DIS3L: variants seen among roughly 807,000 people sequenced by gnomAD.
DIS3L encodes the protein DIS3-like exonuclease 1.
A neutral mutation model predicts 120.3 loss-of-function variants in DIS3L; 100 were observed. The observed-to-expected ratio is 0.83, with a 90% CI of 0.71 to 0.98. The LOEUF (loss-of-function observed/expected upper bound fraction) is 0.98, where lower values mean the gene tolerates loss of function less well. Among genes scored for constraint, DIS3L ranks in the 50% least tolerant of loss-of-function variants. DIS3L has a pLI of 0.00. For synonymous variants in DIS3L, 426 were observed against 470.6 expected (o/e 0.91, Z 1.23); for missense variants, 1,196 against 1,314.2 (o/e 0.91, Z 1.39).
At position 66,301,206 on chromosome 15, in the gene DIS3L, A is replaced by G. The variant is rs75981487; in HGVS notation, c.294-5618A>G. Among the ~76,000 whole-genome samples, 497 of 152,310 alleles carry G rather than the reference A, an allele frequency of 3.3e-3. 17 individuals carry two copies. In the East Asian group the frequency reaches 0.073, roughly 22 times the overall value. ...AGAAATTGCTTAAAACATTAAGATG[A>G]TGGAGTTTTAGAAAACATCCAAGCC... On this transcript the variant is annotated intron_variant, in intron 2 of 16. Coordinates refer to ENST00000319212, the MANE Select transcript of DIS3L (RefSeq NM_001143688.3).
Position 66,308,736 on chromosome 15 carries a change from C to T in DIS3L, c.450C>T (p.Tyr150=). Residue 150 remains tyrosine, a synonymous_variant, in exon 4 of 17, where the codon TAC becomes TAT. Coordinates refer to ENST00000319212, the MANE Select transcript of DIS3L (RefSeq NM_001143688.3). ...GCATATACAACGCAGCTGTTTGGTA[C>T]TATCATCACTGCCAGGACAGGATGC... ...TRSIYNAAVW[Y]YHHCQDRMPI... 1 of 1,612,914 alleles carries T rather than the reference C, an allele frequency of 6.2e-7. No individual in the cohort carries two copies. Among genetic ancestry groups the T allele is most frequent in the Non-Finnish European group, 8.5e-7 (1 of 1,179,278 alleles).
intron 1 of DIS3L, chr15:66,294,280 C>A: frequency 1.0e-6 from 1 of 985,430 alleles, no homozygotes; most frequent in Middle Eastern, 5.2e-4. Flanking sequence ...CGGAAGGTCA[C>A]GGGGAAGTTG....
At chr15:66,321,075 A>C (rs2092878339) in intron 9 of DIS3L, among the ~76,000 whole-genome samples, 1 of 152,184 alleles carries the variant, frequency 6.6e-6, no homozygotes, top group South Asian at 2.1e-4. Flanking sequence ...TCTCTGTCCA[A>C]ATCATTCAAC....
At chr15:66,311,205 A>G (rs1320712027) in intron 4 of DIS3L, among the ~76,000 whole-genome samples, 1 of 152,120 alleles carries the variant, frequency 6.6e-6, no homozygotes, top group Admixed American at 6.6e-5. Context: ...TCTACAAAAA[A>G]TAAAAAAATT....
chr15:66,294,056 TCCTCCCGCCGCAA>T, intron 1 of DIS3L: 1 of 986,322 alleles, frequency 1.0e-6, no homozygotes, highest in Non-Finnish European at 1.2e-6. Context: ...AGCCGAGGCC[TCCTCCCGCCGCAA>T]CCTCGCGCCG....
At chr15:66,300,106 C>T (rs1595714968) in intron 2 of DIS3L, among the ~76,000 whole-genome samples, 1 of 152,090 alleles carries the variant, frequency 6.6e-6, no homozygotes, top group South Asian at 2.1e-4. Flanking sequence ...TTCATGGCAG[C>T]TTTCTTCATC....
chr15:66,318,320 G>T, intron 7 of DIS3L, 129 bp from the exon 8 acceptor site: 8 of 979,760 alleles, frequency 8.2e-6, no homozygotes, highest in Non-Finnish European at 1.2e-5. Context: ...TTCTTGAGTT[G>T]GGTGGATGTG....
intron 4 of DIS3L, among the ~76,000 whole-genome samples, chr15:66,311,418 G>C (rs2092759973): frequency 6.6e-6 from 1 of 152,160 alleles, no homozygotes; most frequent in Non-Finnish European, 1.5e-5. Flanking sequence ...CATAAAGACA[G>C]GCTGCCTGGA....
intron 14 of DIS3L, chr15:66,329,920 A>G (rs1418110921): frequency 1.3e-5 from 13 of 985,036 alleles, no homozygotes; most frequent in Admixed American, 6.2e-5. Context: ...CTCAAAAAAA[A>G]AAAAAGATAT....
chr15:66,305,750 G>C (rs371403238), intron 2 of DIS3L, among the ~76,000 whole-genome samples: 7 of 152,014 alleles, frequency 4.6e-5, no homozygotes, highest in Admixed American at 2.0e-4. Flanking sequence ...AAGCTGGTCT[G>C]CAACTCCTGG....
At chr15:66,328,901 T>C in intron 12 of DIS3L, 69 bp from the exon 13 acceptor site, 1 of 1,532,864 alleles carries the variant, frequency 6.5e-7, no homozygotes, top group East Asian at 2.3e-5. Flanking sequence ...GAGTGAAGGG[T>C]TCCCCTCAAA....
At position 66,321,670 on chromosome 15, in the gene DIS3L, G is replaced by A. The variant is rs1047014237; in HGVS notation, c.1326+938G>A. On this transcript the variant is annotated intron_variant, in intron 9 of 16. Transcript: ENST00000319212. ...AATCCCAGCTACTCGGGAGGCTGAG[G>A]CAGGAGAATTGCTTGAACCAGGGAG... is the stretch of plus-strand genomic sequence containing the variant. 6.8e-5 allele frequency among the ~76,000 whole-genome samples: 10 copies of A among 146,648 alleles called. No individual in the cohort carries two copies. The East Asian group carries it at 1.6e-3, about 24-fold the overall frequency.
intron 1 of DIS3L, chr15:66,294,403 G>C: frequency 1.0e-6 from 1 of 985,626 alleles, no homozygotes; most frequent in Non-Finnish European, 1.2e-6. Context: ...TGGGCTGGGG[G>C]TCCTTGTCAG....
chr15:66,333,386 G>A lies in DIS3L; in HGVS notation c.*74G>A. 7.0e-7 allele frequency: 1 copy of A among 1,436,314 alleles called. No homozygotes were observed. The allele number at this position is 1,436,314 out of a possible 1,614,324, so 89.0% of individuals were successfully genotyped here. On this transcript the variant is annotated 3_prime_UTR_variant, in exon 17 of 17. Transcript: ENST00000319212. ...TTTTCAAACTTAACATTTAATGTGT[G>A]TCACTCAGTGCTCTAGTCGATCAGG...
chr15:66,321,882 A>C (rs547619344), intron 9 of DIS3L, among the ~76,000 whole-genome samples: 11 of 152,178 alleles, frequency 7.2e-5, no homozygotes, highest in Non-Finnish European at 1.6e-4. Flanking sequence ...AAAGGGTATA[A>C]AAGATTTAAA....
Position 66,326,003 on chromosome 15 carries a change from GA to G in DIS3L, c.1841del (p.Asp614ValfsTer19). On this transcript the variant is annotated frameshift_variant, in exon 12 of 17. Transcript: ENST00000319212. LOFTEE classifies it high-confidence loss of function. ...VDDIPEFKDL[D>X]EKSRQAKLEE... Reference sequence around the variant, plus strand: ...TGATATTCCAGAATTCAAAGACTTGGATGAGAAGAGCAGACAAGCCAAGCTG... The same window carrying G: ...TGATATTCCAGAATTCAAAGACTTGGTGAGAAGAGCAGACAAGCCAAGCTG... 6.2e-7 allele frequency: 1 copy of G among 1,614,188 alleles called. No individual in the cohort carries two copies. The highest frequency in any genetic ancestry group is 1.3e-5 in the African/African-American group (1 of 75,044).
intron 9 of DIS3L, among the ~76,000 whole-genome samples, chr15:66,321,062 C>T (rs2092878122): frequency 6.6e-6 from 1 of 152,210 alleles, no homozygotes; most frequent in African/African-American, 2.4e-5. Flanking sequence ...CTGAGCTCCA[C>T]ACTCTCTGTC....
chr15:66,316,784 C>T (rs1192080221), intron 7 of DIS3L, among the ~76,000 whole-genome samples: 2 of 152,176 alleles, frequency 1.3e-5, no homozygotes, highest in Non-Finnish European at 2.9e-5. Context: ...TACTACACTC[C>T]AGCCTGGGCA....
intron 2 of DIS3L, among the ~76,000 whole-genome samples, chr15:66,297,250 CTAAGTGT>C (rs1355204925): frequency 1.3e-5 from 2 of 152,144 alleles, no homozygotes; most frequent in African/African-American, 2.4e-5. Context: ...TTCAGCCTTC[CTAAGTGT>C]TAAGTGTAAG....
Sources: allele counts gnomAD v4.1 joint callset (sites outside exome capture counted in the v4.1 genomes callset), GRCh38; gene constraint gnomAD v4.1.1; transcripts MANE v1.5; gene names NCBI Gene and HGNC (gene_info 2026-07-23, HGNC 2026-07-21).